Variants in OPHN1 observed in about 807,000 individuals in gnomAD.
OPHN1 encodes the protein oligophrenin 1.
Under a neutral mutation model 60.7 loss-of-function variants are expected in OPHN1, and 11 were observed. The ratio of observed to expected loss-of-function variants is 0.18; its 90% CI spans 0.11 to 0.30. OPHN1 has a LOEUF of 0.30. Among genes scored for constraint, OPHN1 ranks in the 10% least tolerant of loss-of-function variants. The pLI, the probability that OPHN1 is intolerant of heterozygous loss-of-function variation, is 1.00. For missense variants in OPHN1, 449 were observed against 611.0 expected (o/e 0.73, Z 2.80); for synonymous variants, 226 against 222.6 (o/e 1.02, Z -0.14).
intron 19 of OPHN1, among the ~76,000 whole-genome samples, chrX:68,086,458 C>T (rs1318914549): frequency 8.9e-6 from 1 of 112,007 alleles, no homozygotes; most frequent in Non-Finnish European, 1.9e-5. Flanking sequence ...AACTCTTCTA[C>T]AATGTTTACT....
intron 15 of OPHN1, among the ~76,000 whole-genome samples, chrX:68,191,840 C>T (rs1414868365): frequency 9.0e-6 from 1 of 111,322 alleles, no homozygotes; most frequent in Non-Finnish European, 1.9e-5. Flanking sequence ...GCTCAACAAC[C>T]TTACCTGGGG....
chrX:68,310,247 C>T (rs1368108199), intron 2 of OPHN1, among the ~76,000 whole-genome samples: 6 of 111,345 alleles, frequency 5.4e-5, no homozygotes, highest in Non-Finnish European at 1.1e-4. Context: ...AATGAGGTCC[C>T]TTCATGAGGT....
chrX:68,125,712 C>A (rs1166768851), intron 15 of OPHN1, among the ~76,000 whole-genome samples: 1 of 107,192 alleles, frequency 9.3e-6, no homozygotes, highest in African/African-American at 3.4e-5. Context: ...AAAGAAAAGT[C>A]TGGGACCCAA....
At chrX:68,327,650 G>T (rs1482515565) in intron 2 of OPHN1, among the ~76,000 whole-genome samples, 2 of 59,251 alleles carry the variant, frequency 3.4e-5, no homozygotes, top group South Asian at 1.0e-3. Flanking sequence ...GCGGAAGGCC[G>T]CAGGGTCCTC....
chrX:68,199,933 C>G (rs149760989), intron 11 of OPHN1, among the ~76,000 whole-genome samples: 9 of 111,358 alleles, frequency 8.1e-5, no homozygotes, highest in Non-Finnish European at 1.3e-4. Flanking sequence ...TGGTGGCACA[C>G]GCCTGTAGTC....
At chrX:68,185,586 A>G (rs1347618488) in intron 15 of OPHN1, among the ~76,000 whole-genome samples, 1 of 111,304 alleles carries the variant, frequency 9.0e-6, no homozygotes, top group East Asian at 2.8e-4. Flanking sequence ...ATGTATGCTC[A>G]TAGAAAAGAT....
intron 2 of OPHN1, among the ~76,000 whole-genome samples, chrX:68,303,324 G>A (rs1199506980): frequency 1.8e-5 from 2 of 111,596 alleles, no homozygotes; most frequent in African/African-American, 3.3e-5. Flanking sequence ...ATATGGAATC[G>A]ACCTAAGTGT....
chrX:68,341,420 C>A (rs1239018486), intron 2 of OPHN1, among the ~76,000 whole-genome samples: 6 of 110,703 alleles, frequency 5.4e-5, no homozygotes, highest in Non-Finnish European at 7.6e-5. Context: ...TGTAAAATGA[C>A]AACATGATTA....
chrX:68,239,586 G>A (rs991464981), intron 5 of OPHN1, among the ~76,000 whole-genome samples: 12 of 110,381 alleles, frequency 1.1e-4, no homozygotes, highest in African/African-American at 4.0e-4. Flanking sequence ...GTTACTTATT[G>A]CACGTATTAA....
At chrX:68,305,415 G>C (rs1308014253) in intron 2 of OPHN1, among the ~76,000 whole-genome samples, 1 of 112,037 alleles carries the variant, frequency 8.9e-6, no homozygotes, top group Admixed American at 9.5e-5. Flanking sequence ...CTGCCCATGG[G>C]GGCTTTGAAA....
intron 15 of OPHN1, among the ~76,000 whole-genome samples, chrX:68,130,694 G>T (rs963728265): frequency 9.0e-6 from 1 of 110,772 alleles, no homozygotes; most frequent in African/African-American, 3.3e-5. Flanking sequence ...ATAAAGCCAT[G>T]CCCTTCACAT....
chrX:68,242,530 A>T (rs1353503987), intron 5 of OPHN1, among the ~76,000 whole-genome samples: 1 of 111,896 alleles, frequency 8.9e-6, no homozygotes, highest in Non-Finnish European at 1.9e-5. Context: ...AAAAATTTAA[A>T]CACAGAATTA....
intron 2 of OPHN1, among the ~76,000 whole-genome samples, chrX:68,383,662 C>T (rs1192916408): frequency 1.0e-5 from 1 of 100,301 alleles, no homozygotes; most frequent in Non-Finnish European, 2.0e-5. Flanking sequence ...AAGCGAAACT[C>T]AACATGGAAA....
At chrX:68,215,555 T>G (rs933632606) in intron 6 of OPHN1, among the ~76,000 whole-genome samples, 2 of 111,262 alleles carry the variant, frequency 1.8e-5, no homozygotes, top group Admixed American at 9.6e-5. Context: ...ACAATCCCCA[T>G]GTAGGTATAT....
At chrX:68,223,183 T>C (rs949174838) in intron 6 of OPHN1, among the ~76,000 whole-genome samples, 9 of 111,834 alleles carry the variant, frequency 8.0e-5, no homozygotes, top group Admixed American at 2.8e-4. Context: ...ATCTCACTAC[T>C]GAGAATCTAC....
At chrX:68,264,985 C>T (rs763017625) in intron 5 of OPHN1, among the ~76,000 whole-genome samples, 17 of 112,427 alleles carry the variant, frequency 1.5e-4, no homozygotes, top group Admixed American at 7.5e-4. Context: ...GGGGGAGGGG[C>T]GCCCGCCATT....
chrX:68,352,335 T>C lies in OPHN1; in HGVS notation c.155-53239A>G, dbSNP rs941193615. 2.8e-5 allele frequency among the ~76,000 whole-genome samples: 3 copies of C among 105,584 alleles called. No individual in the cohort carries two copies. The Admixed American group carries it at 3.1e-4, about 11-fold the overall frequency. The allele number at this position is 105,584 out of a possible 115,157, so 91.7% of individuals were successfully genotyped here. ...TCCAGAAAAATCCTTTAGAGGCTTT[T>C]ATTACAATTAATTAACAAAAGAAAT... On this transcript the variant is annotated intron_variant, in intron 2 of 24. Transcript: ENST00000355520.
chrX:68,254,551 C>T (rs1404415158), intron 5 of OPHN1, among the ~76,000 whole-genome samples: 3 of 110,895 alleles, frequency 2.7e-5, no homozygotes, highest in African/African-American at 6.6e-5. Context: ...AAAAGTGAGC[C>T]CCCCTCCCAG....
At position 68,042,765 on chromosome X, in the gene OPHN1, TGTTG is replaced by T. The variant is rs2076819975; in HGVS notation, c.*4403_*4406del. On this transcript the variant is annotated 3_prime_UTR_variant, in exon 25 of 25. Transcript: ENST00000355520. ...CGGAGAAATAGGAACACTTTTACACTGTTGGTTGGACTGTAAACTAGTTCAACCA... is the reference window on the plus strand; with the variant it reads ...CGGAGAAATAGGAACACTTTTACACTGTTGGACTGTAAACTAGTTCAACCA... 1.3e-5 allele frequency: 1 copy of T among 78,958 alleles called. No individual in the cohort carries two copies. Among genetic ancestry groups the T allele is most frequent in the Non-Finnish European group, 2.4e-5 (1 of 41,604 alleles). The allele number at this position is 78,958 out of a possible 1,213,427, so 6.5% of individuals were successfully genotyped here. A position where few individuals can be genotyped will look rare whatever the true frequency, so the allele number is the denominator to read the frequency against.
Sources: allele counts gnomAD v4.1 joint callset (sites outside exome capture counted in the v4.1 genomes callset), GRCh38; gene constraint gnomAD v4.1.1; transcripts MANE v1.5; gene names NCBI Gene and HGNC (gene_info 2026-07-23, HGNC 2026-07-21).